MAML3: variants seen among roughly 807,000 people sequenced by gnomAD.
MAML3 encodes mastermind like transcriptional coactivator 3, also known as mastermind-like protein 3.
In MAML3, 27 loss-of-function variants were observed where a neutral mutation model predicts 101.9. That is an observed-to-expected ratio of 0.27 (90% CI 0.20 to 0.37). The LOEUF (loss-of-function observed/expected upper bound fraction) is 0.37, where lower values mean the gene tolerates loss of function less well. Among genes scored for constraint, MAML3 ranks in the 10% least tolerant of loss-of-function variants. The pLI, the probability that MAML3 is intolerant of heterozygous loss-of-function variation, is 1.00. For synonymous variants in MAML3, 501 were observed against 555.9 expected (o/e 0.90, Z 1.39); for missense variants, 1,316 against 1,444.9 (o/e 0.91, Z 1.45).
At chr4:139,753,341 AATCT>A (rs35975255) in intron 2 of MAML3, among the ~76,000 whole-genome samples, 15,526 of 146,586 alleles carry the variant, frequency 0.11, 904 homozygotes, top group South Asian at 0.14. Flanking sequence ...TTTTCTTTTT[AATCT>A]ATCTATCTAT....
At chr4:139,744,787 G>A (rs1011059201) in intron 2 of MAML3, among the ~76,000 whole-genome samples, 11 of 152,072 alleles carry the variant, frequency 7.2e-5, no homozygotes, top group Non-Finnish European at 1.5e-4. Flanking sequence ...GATGACACCA[G>A]CTGGTCAAGA....
chr4:140,014,879 G>T (rs1726618035), intron 1 of MAML3, among the ~76,000 whole-genome samples: 1 of 152,160 alleles, frequency 6.6e-6, no homozygotes, highest in East Asian at 1.9e-4. Flanking sequence ...TAGGAAGAAT[G>T]GAAAAGCTGG....
intron 1 of MAML3, among the ~76,000 whole-genome samples, chr4:140,059,968 T>C (rs1327990464): frequency 6.6e-6 from 1 of 152,242 alleles, no homozygotes; most frequent in East Asian, 1.9e-4. Flanking sequence ...TGATGTGATA[T>C]ATATGATAGA....
chr4:140,043,570 G>A (rs1166591033), intron 1 of MAML3, among the ~76,000 whole-genome samples: 1 of 152,060 alleles, frequency 6.6e-6, no homozygotes. Flanking sequence ...AAGTATCTGA[G>A]CTACTAAAGA....
chr4:140,011,337 G>GTTTTTTTTTTTTT (rs1394373852), intron 1 of MAML3, among the ~76,000 whole-genome samples: 1 of 109,814 alleles, frequency 9.1e-6, no homozygotes, highest in Non-Finnish European at 1.9e-5. Flanking sequence ...AGGTTTTCTT[G>GTTTTTTTTTTTTT]TTTTGTTTTT....
intron 1 of MAML3, among the ~76,000 whole-genome samples, chr4:140,009,848 C>G (rs771344416): frequency 2.0e-5 from 3 of 152,182 alleles, no homozygotes; most frequent in Non-Finnish European, 4.4e-5. Context: ...TTTATCAGTT[C>G]AAGCTAAACT....
intron 1 of MAML3, among the ~76,000 whole-genome samples, chr4:140,039,178 C>T (rs1727038031): frequency 6.6e-6 from 1 of 152,116 alleles, no homozygotes; most frequent in Admixed American, 6.5e-5. Flanking sequence ...AATGCCATAA[C>T]TTTCTTGGGA....
At chr4:140,147,718 T>C (rs1235736562) in intron 1 of MAML3, among the ~76,000 whole-genome samples, 5 of 152,198 alleles carry the variant, frequency 3.3e-5, no homozygotes, top group Admixed American at 3.3e-4. Context: ...CCAAGATGGG[T>C]AATGTGGAAA....
Position 139,883,697 on chromosome 4 carries a change from C to T in MAML3, c.2079+5660G>A, listed in dbSNP as rs1263124546. Among the ~76,000 whole-genome samples the T allele has an allele frequency of 2.6e-5, 4 of 151,996 alleles. No homozygotes were observed. In the East Asian group the frequency reaches 7.8e-4, roughly 29 times the overall value. ...ACAACATGGAAGTGGCTGCCTTTGG[C>T]AAGCAGAAATTAAGAGTGGCGTGGG... On this transcript the variant is annotated intron_variant, in intron 2 of 4. Coordinates refer to ENST00000509479, the MANE Select transcript of MAML3 (RefSeq NM_018717.5).
intron 1 of MAML3, among the ~76,000 whole-genome samples, chr4:139,956,239 G>GT (rs1275741099): frequency 6.6e-6 from 1 of 152,188 alleles, no homozygotes; most frequent in Non-Finnish European, 1.5e-5. Flanking sequence ...TTCTGGAAGT[G>GT]TTTTGAAATC....
chr4:139,727,656 G>A (rs1728529145), intron 3 of MAML3, among the ~76,000 whole-genome samples: 1 of 152,200 alleles, frequency 6.6e-6, no homozygotes, highest in South Asian at 2.1e-4. Context: ...ATGGATGAGA[G>A]GTTATGTGCT....
At chr4:139,930,394 G>C (rs1033781639) in intron 1 of MAML3, among the ~76,000 whole-genome samples, 8 of 152,180 alleles carry the variant, frequency 5.3e-5, no homozygotes, top group African/African-American at 1.9e-4. Context: ...TACAAAGACA[G>C]GCTGACAGTG....
At chr4:139,750,192 G>C (rs986139082) in intron 2 of MAML3, among the ~76,000 whole-genome samples, 1 of 152,172 alleles carries the variant, frequency 6.6e-6, no homozygotes, top group Non-Finnish European at 1.5e-5. Context: ...GAGAAAGGGA[G>C]GGTTCAGATC....
intron 1 of MAML3, among the ~76,000 whole-genome samples, chr4:139,963,929 C>T (rs1734075450): frequency 6.6e-6 from 1 of 152,160 alleles, no homozygotes; most frequent in African/African-American, 2.4e-5. Flanking sequence ...ATATGGCTGA[C>T]ATTCACTTGA....
At chr4:140,032,004 T>G (rs2110892675) in intron 1 of MAML3, among the ~76,000 whole-genome samples, 1 of 152,366 alleles carries the variant, frequency 6.6e-6, no homozygotes, top group East Asian at 1.9e-4. Context: ...GCCAACGGTC[T>G]TAATAAATAG....
chr4:140,059,402 G>T (rs779828165), intron 1 of MAML3, among the ~76,000 whole-genome samples: 1 of 152,152 alleles, frequency 6.6e-6, no homozygotes, highest in African/African-American at 2.4e-5. Context: ...ACTGTACACA[G>T]ACTTATGGAT....
At chr4:140,117,766 TA>T (rs1728539812) in intron 1 of MAML3, among the ~76,000 whole-genome samples, 1 of 151,826 alleles carries the variant, frequency 6.6e-6, no homozygotes, top group African/African-American at 2.4e-5. Flanking sequence ...AAAATACAAA[TA>T]AAATGTTTCT....
intron 1 of MAML3, among the ~76,000 whole-genome samples, chr4:139,924,102 C>T (rs553610974): frequency 3.9e-4 from 59 of 152,306 alleles, no homozygotes; most frequent in South Asian, 1.2e-3. Flanking sequence ...GTGATACCAA[C>T]GCCAAACTTC....
intron 2 of MAML3, among the ~76,000 whole-genome samples, chr4:139,879,858 A>G (rs945186802): frequency 3.9e-5 from 6 of 152,104 alleles, no homozygotes; most frequent in Non-Finnish European, 5.9e-5. Context: ...TTTAAGGAGT[A>G]TTTTCATAGG....
Sources: gnomAD v4.1 joint callset for allele counts (sites outside exome capture counted in the v4.1 genomes callset) on GRCh38, gnomAD v4.1.1 for gene constraint, MANE v1.5 for transcripts, NCBI Gene and HGNC (gene_info 2026-07-23, HGNC 2026-07-21) for gene names.